PTGER3: variants seen among roughly 807,000 people sequenced by gnomAD.
The protein encoded by PTGER3 is prostaglandin E receptor 3.
Under a neutral mutation model 34.7 loss-of-function variants are expected in PTGER3, and 22 were observed. That is an observed-to-expected ratio of 0.63 (90% CI 0.45 to 0.91). PTGER3 has a LOEUF of 0.91. Ranked by LOEUF, PTGER3 falls within the 40% of genes least tolerant of loss-of-function variation. The pLI is 0.00. For missense variants in PTGER3, 468 were observed against 519.4 expected (o/e 0.90, Z 0.96); for synonymous variants, 241 against 230.1 (o/e 1.05, Z -0.43).
intron 1 of PTGER3, among the ~76,000 whole-genome samples, chr1:71,029,751 C>A (rs1174884640): frequency 6.6e-6 from 1 of 151,794 alleles, no homozygotes; most frequent in Admixed American, 6.6e-5. Flanking sequence ...CATGGTGAAA[C>A]CCCATCTGTA....
chr1:71,005,267 A>T (rs76792052), intron 2 of PTGER3, among the ~76,000 whole-genome samples: 1,597 of 152,252 alleles, frequency 0.01, 35 homozygotes, highest in African/African-American at 0.037. Context: ...TATAGAAAGG[A>T]TCTATGTAGA....
At chr1:70,869,326 T>C (rs772875562) in intron 4 of PTGER3, 7 of 469,768 alleles carry the variant, frequency 1.5e-5, no homozygotes, top group South Asian at 9.3e-5. Flanking sequence ...TCTCCTACAT[T>C]GGGGAATACA....
intron 2 of PTGER3, among the ~76,000 whole-genome samples, chr1:70,979,643 CT>C (rs1295950819): frequency 1.3e-5 from 2 of 152,124 alleles, no homozygotes; most frequent in Admixed American, 6.6e-5. Flanking sequence ...CCTTTCTTAT[CT>C]TTCCTCTCAG....
At chr1:70,901,839 G>A (rs981891525) in intron 4 of PTGER3, among the ~76,000 whole-genome samples, 3 of 152,112 alleles carry the variant, frequency 2.0e-5, no homozygotes, top group Admixed American at 2.0e-4. Context: ...ATAAGATGGA[G>A]TAAGGATTTC....
chr1:70,853,206 G>A (rs954565153), intron 4 of PTGER3, among the ~76,000 whole-genome samples: 2 of 152,194 alleles, frequency 1.3e-5, no homozygotes, highest in Admixed American at 1.3e-4. Context: ...TCCATTTGCA[G>A]ATAAGATTAA....
intron 4 of PTGER3, among the ~76,000 whole-genome samples, chr1:70,905,622 T>C (rs1646930168): frequency 6.6e-6 from 1 of 152,118 alleles, no homozygotes; most frequent in Non-Finnish European, 1.5e-5. Flanking sequence ...ACCTCTTTGT[T>C]TGGCCAATTT....
At chr1:70,987,930 T>C (rs540788440) in intron 2 of PTGER3, among the ~76,000 whole-genome samples, 1 of 152,294 alleles carries the variant, frequency 6.6e-6, no homozygotes, top group Non-Finnish European at 1.5e-5. Flanking sequence ...TCCTCACCAA[T>C]AAAAATGTTT....
chr1:70,932,159 G>T (rs1178644203), intron 4 of PTGER3, among the ~76,000 whole-genome samples: 2 of 152,158 alleles, frequency 1.3e-5, no homozygotes, highest in Non-Finnish European at 2.9e-5. Flanking sequence ...AACATAACAA[G>T]GATCACCTTT....
intron 4 of PTGER3, among the ~76,000 whole-genome samples, chr1:70,934,582 CAT>C (rs1649026189): frequency 6.6e-6 from 1 of 152,144 alleles, no homozygotes; most frequent in Admixed American, 6.6e-5. Context: ...CCATCACTAA[CAT>C]AGATTTAAAA....
chr1:70,942,237 G>C (rs1003493025), intron 4 of PTGER3, among the ~76,000 whole-genome samples: 2 of 152,154 alleles, frequency 1.3e-5, no homozygotes, highest in African/African-American at 2.4e-5. Flanking sequence ...GAGATGAATG[G>C]AGTCTGATCC....
intron 2 of PTGER3, among the ~76,000 whole-genome samples, chr1:70,980,327 G>A (rs1654136485): frequency 6.6e-6 from 1 of 152,248 alleles, no homozygotes; most frequent in East Asian, 1.9e-4. Context: ...GTAAACTCTA[G>A]AAATATTGCC....
chr1:70,999,052 C>T (rs559987616), intron 2 of PTGER3, among the ~76,000 whole-genome samples: 1 of 152,148 alleles, frequency 6.6e-6, no homozygotes, highest in East Asian at 1.9e-4. Context: ...TGGTGGCGGG[C>T]GCCTGTAGTC....
intron 4 of PTGER3, among the ~76,000 whole-genome samples, chr1:70,860,416 C>T (rs900173849): frequency 3.9e-5 from 6 of 152,052 alleles, no homozygotes; most frequent in African/African-American, 1.4e-4. Flanking sequence ...GCTTGGCTAC[C>T]TGAGCTGTCA....
intron 4 of PTGER3, among the ~76,000 whole-genome samples, chr1:70,880,934 G>A (rs1224075479): frequency 6.6e-6 from 1 of 151,758 alleles, no homozygotes; most frequent in African/African-American, 2.4e-5. Context: ...GCATTTCCTG[G>A]ATTTAAATGT....
chr1:71,029,973 A>T (rs1659271474), intron 1 of PTGER3, among the ~76,000 whole-genome samples: 1 of 120,976 alleles, frequency 8.3e-6, no homozygotes, highest in Non-Finnish European at 1.7e-5. Flanking sequence ...AAAATAAGTA[A>T]ATAAATAAAT....
chr1:71,032,670 T>C (rs1353145929), intron 1 of PTGER3, among the ~76,000 whole-genome samples: 1 of 152,200 alleles, frequency 6.6e-6, no homozygotes, highest in Non-Finnish European at 1.5e-5. Context: ...CCATCTTCTA[T>C]AAGGCCACCT....
At chr1:70,869,307 C>T (rs1214286276) in intron 4 of PTGER3, 1 of 471,532 alleles carries the variant, frequency 2.1e-6, no homozygotes, top group Non-Finnish European at 4.4e-6. Flanking sequence ...CACCTTCCAT[C>T]AGGCCCCATC....
intron 2 of PTGER3, among the ~76,000 whole-genome samples, chr1:71,004,945 G>T (rs915980540): frequency 6.6e-6 from 1 of 152,288 alleles, no homozygotes; most frequent in East Asian, 1.9e-4. Flanking sequence ...CCCACAGATG[G>T]CCTCACCCCT....
intron 2 of PTGER3, among the ~76,000 whole-genome samples, chr1:70,983,188 C>T (rs1298846888): frequency 6.6e-6 from 1 of 151,654 alleles, no homozygotes; most frequent in African/African-American, 2.4e-5. Flanking sequence ...CAGGTGACAG[C>T]CAGAACCTAA....
Sources: gnomAD v4.1 joint callset for allele counts (sites outside exome capture counted in the v4.1 genomes callset) on GRCh38, gnomAD v4.1.1 for gene constraint, MANE v1.5 for transcripts, NCBI Gene and HGNC (gene_info 2026-07-23, HGNC 2026-07-21) for gene names.